VPS54: variants seen among roughly 807,000 people sequenced by gnomAD.
VPS54 encodes VPS54 subunit of GARP complex, also known as vacuolar protein sorting-associated protein 54.
Under a neutral mutation model 121.5 loss-of-function variants are expected in VPS54, and 45 were observed. That is an observed-to-expected ratio of 0.37 (90% confidence interval 0.29 to 0.47). The LOEUF (loss-of-function observed/expected upper bound fraction) is 0.47. Ranked by LOEUF, VPS54 falls within the 20% of genes least tolerant of loss-of-function variation. The probability of loss-of-function intolerance (pLI) is 0.99; values close to 1 mark genes in which losing one functional copy is unlikely to be tolerated. For synonymous variants in VPS54, 371 were observed against 385.8 expected (o/e 0.96, Z 0.45); for missense variants, 1,090 against 1,131.4 (o/e 0.96, Z 0.52).
chr2:63,971,481 C>G (rs1158635568), intron 4 of VPS54, among the ~76,000 whole-genome samples: 2 of 152,194 alleles, frequency 1.3e-5, no homozygotes, highest in Non-Finnish European at 2.9e-5. Context: ...CCCAGTAGAA[C>G]CAATATATTA....
rs549715172 is a variant in VPS54 at position 63,927,406 on chromosome 2, C to G, written c.1740-6071G>C. Among the ~76,000 whole-genome samples the G allele has an allele frequency of 3.3e-5, 5 of 152,326 alleles. No individual in the cohort carries two copies. In the East Asian group the frequency reaches 9.6e-4, roughly 29 times the overall value. On this transcript the variant is annotated intron_variant, in intron 12 of 22. Transcript: ENST00000272322. ...GGACCTCCAGCAAACTCCAACACAC[C>G]TGCAGTTGAGGGATGTGACTGTTGG...
intron 1 of VPS54, among the ~76,000 whole-genome samples, chr2:63,990,534 C>T (rs1031160060): frequency 1.3e-5 from 2 of 152,116 alleles, no homozygotes; most frequent in African/African-American, 2.4e-5. Context: ...TACCCTTCTT[C>T]ACACATGCAC....
intron 7 of VPS54, among the ~76,000 whole-genome samples, chr2:63,955,545 A>T (rs748890712): frequency 6.6e-6 from 1 of 152,014 alleles, no homozygotes; most frequent in East Asian, 1.9e-4. Flanking sequence ...GACCTTAGAT[A>T]TTATTTTAAA....
At chr2:63,936,532 G>T (rs779869688) in intron 11 of VPS54, among the ~76,000 whole-genome samples, 1 of 152,084 alleles carries the variant, frequency 6.6e-6, no homozygotes, top group Non-Finnish European at 1.5e-5. Context: ...AACTGATATT[G>T]TCATTCTGAA....
rs80334817 is a variant in VPS54, at chr2:63,908,467, A to G, written c.2625+3878T>C. ...AGAATGCTTACCAATGATGTTCTAT[A>G]ACTTGCAGTTATACTATCTGTATTT... is the stretch of plus-strand genomic sequence containing the variant. On this transcript the variant is annotated intron_variant, in intron 20 of 22. Transcript: ENST00000272322. Among the ~76,000 whole-genome samples, 196 of 152,282 alleles carry G rather than the reference A, an allele frequency of 1.3e-3. 1 individual carries two copies. In the East Asian group the frequency reaches 0.021, roughly 16 times the overall value.
chr2:63,980,741 A>C (rs552056698), intron 3 of VPS54, among the ~76,000 whole-genome samples: 1 of 152,188 alleles, frequency 6.6e-6, no homozygotes, highest in South Asian at 2.1e-4. Flanking sequence ...ATATTTGATC[A>C]ATATACAAAT....
rs748625695 is a variant in VPS54 at position 63,966,006 on chromosome 2, T to C, written c.493-40A>G. 68 of 1,582,836 alleles carry C rather than the reference T, an allele frequency of 4.3e-5. No homozygotes were observed. In the East Asian group the frequency reaches 1.2e-3, roughly 28 times the overall value. On this transcript the variant is annotated intron_variant, in intron 5 of 22. Coordinates refer to ENST00000272322, the MANE Select transcript of VPS54 (RefSeq NM_016516.3). The stretch of plus-strand genomic sequence containing the variant: ...CATTTCCCTCAATTAGATAAGTATT[T>C]TCTTTATACCCATTATCTCTTCTAA...
At chr2:63,913,158 CATG>C (rs1673227418) in intron 18 of VPS54, 62 bp downstream of exon 18, 2 of 1,339,690 alleles carry the variant, frequency 1.5e-6, no homozygotes, top group Non-Finnish European at 2.0e-6. Flanking sequence ...TATAAAAAAA[CATG>C]ATGAGAACAG....
chr2:63,960,186 TA>T (rs1216746088), intron 7 of VPS54, among the ~76,000 whole-genome samples: 1 of 151,542 alleles, frequency 6.6e-6, no homozygotes, highest in African/African-American at 2.4e-5. Flanking sequence ...TACAGTGAGC[TA>T]AGAGCGCACC....
At chr2:63,982,044 A>G (rs189659966) in intron 2 of VPS54, among the ~76,000 whole-genome samples, 157 bp from the exon 3 acceptor site, 2 of 152,356 alleles carry the variant, frequency 1.3e-5, no homozygotes, top group African/African-American at 2.4e-5. Flanking sequence ...CTGATTGAAT[A>G]ACCTTCAGCT....
chr2:63,913,082 TA>T, intron 18 of VPS54, 140 bp downstream of exon 18: 1 of 661,334 alleles, frequency 1.5e-6, no homozygotes, highest in Non-Finnish European at 2.4e-6. Flanking sequence ...TGAGTATACA[TA>T]AAAGAGTAAG....
intron 3 of VPS54, chr2:63,975,380 A>C (rs1676476294): frequency 5.3e-6 from 1 of 187,090 alleles, no homozygotes; most frequent in Admixed American, 5.7e-5. Flanking sequence ...CCTGGGGGCT[A>C]GACTACCTTT....
intron 21 of VPS54, among the ~76,000 whole-genome samples, chr2:63,897,914 CATAATG>C (rs1224413697): frequency 6.6e-6 from 1 of 152,146 alleles, no homozygotes; most frequent in Admixed American, 6.5e-5. Flanking sequence ...GAAAAAATGT[CATAATG>C]ATAGAGGCAA....
At chr2:63,975,236 T>A (rs1676469224) in intron 3 of VPS54, 1 of 460,072 alleles carries the variant, frequency 2.2e-6, no homozygotes, top group African/African-American at 1.9e-5. Flanking sequence ...CCTAACCAAC[T>A]CCATCTTGCT....
Position 63,921,252 on chromosome 2 carries a change from T to C in VPS54, c.1823A>G (p.Asp608Gly). 1 of 1,613,176 alleles carries C rather than the reference T, an allele frequency of 6.2e-7. No individual in the cohort carries two copies. ...TTTGACAGCTCGATCATGGCATATA[T>C]CTGAGGCACTATATAATAATTCCTG... is the stretch of plus-strand genomic sequence containing the variant. ...NIQELLYSASDICHDRAVKFL... is the reference protein window; with the variant it reads ...NIQELLYSASGICHDRAVKFL... Residue 608 changes from aspartate (D) to glycine (G), a missense_variant, in exon 13 of 23, where the codon GAT becomes GGT. Physicochemically the swap from Asp to Gly is moderately conservative, Grantham distance 94. This residue lies in a region of VPS54 where 801 missense variants were observed against 757.0 expected (regional missense o/e 1.06). Transcript: ENST00000272322.
chr2:63,901,213 G>A (rs2104405220), intron 20 of VPS54, among the ~76,000 whole-genome samples: 1 of 152,282 alleles, frequency 6.6e-6, no homozygotes, highest in South Asian at 2.1e-4. Context: ...ACAAAAAACA[G>A]ATAATCTGTA....
chr2:63,991,244 A>T (rs559040807), intron 1 of VPS54, among the ~76,000 whole-genome samples: 41 of 152,284 alleles, frequency 2.7e-4, no homozygotes, highest in Admixed American at 2.1e-3. Flanking sequence ...TTATACCCTG[A>T]TTTTTTAGCT....
intron 9 of VPS54, among the ~76,000 whole-genome samples, chr2:63,945,084 C>A (rs187361515): frequency 1.3e-5 from 2 of 152,140 alleles, no homozygotes; most frequent in Non-Finnish European, 2.9e-5. Context: ...AAGACACATG[C>A]ACACTTATGT....
intron 1 of VPS54, among the ~76,000 whole-genome samples, chr2:64,008,306 C>G (rs1678262346): frequency 6.6e-6 from 1 of 151,754 alleles, no homozygotes; most frequent in Non-Finnish European, 1.5e-5. Context: ...CCCAGCTACT[C>G]AGAAGGTTGA....
Sources: allele counts gnomAD v4.1 joint callset (sites outside exome capture counted in the v4.1 genomes callset), GRCh38; gene constraint gnomAD v4.1.1; regional missense constraint gnomAD v4.1.1; transcripts MANE v1.5; gene names NCBI Gene and HGNC (gene_info 2026-07-23, HGNC 2026-07-21).